Variants in NUFIP1 observed in about 807,000 individuals in gnomAD.
NUFIP1 encodes the protein nuclear FMR1 interacting protein 1, also known as FMR1-interacting protein NUFIP1.
In NUFIP1, 38 loss-of-function variants were observed where a neutral mutation model predicts 56.2. The ratio of observed to expected loss-of-function variants is 0.68; its 90% CI spans 0.52 to 0.89. NUFIP1 has a LOEUF of 0.89. Ranked by LOEUF, NUFIP1 falls within the 40% of genes least tolerant of loss-of-function variation. The probability of loss-of-function intolerance (pLI) is 0.00; values close to 1 mark genes in which losing one functional copy is unlikely to be tolerated. For synonymous variants in NUFIP1, 215 were observed against 212.4 expected (o/e 1.01, Z -0.10); for missense variants, 567 against 605.8 (o/e 0.94, Z 0.67).
Position 44,979,223 on chromosome 13 carries a change from T to C in NUFIP1, c.701A>G (p.Glu234Gly). Residue 234 changes from glutamate to glycine, a missense_variant, in exon 5 of 10, where the codon GAG (glutamate) becomes GGG (glycine). Physicochemically the swap from Glu to Gly is moderately conservative, Grantham distance 98. Coordinates refer to ENST00000379161, the MANE Select transcript of NUFIP1 (RefSeq NM_012345.3). Reference sequence around the variant, plus strand: ...TTCTTCCCTCCACCGTGCAATTTCCTCTGGAGTGTCTAACTTGATCTTCTT... The same window carrying C: ...TTCTTCCCTCCACCGTGCAATTTCCCCTGGAGTGTCTAACTTGATCTTCTT... ...GMKKIKLDTP[E>G]EIARWREERR... 6.2e-7 allele frequency: 1 copy of C among 1,613,662 alleles called. No individual in the cohort carries two copies. The highest frequency in any genetic ancestry group is 1.7e-4 in the Middle Eastern group (1 of 6,058).
chr13:44,967,117 A>G (rs899482999), intron 5 of NUFIP1, among the ~76,000 whole-genome samples: 1 of 152,124 alleles, frequency 6.6e-6, no homozygotes, highest in African/African-American at 2.4e-5. Context: ...GGTGGAATGG[A>G]AAGACTATAT....
chr13:44,944,945 T>C (rs1054333577), intron 8 of NUFIP1, among the ~76,000 whole-genome samples: 3 of 152,034 alleles, frequency 2.0e-5, no homozygotes, highest in African/African-American at 7.2e-5. Context: ...ATGCTTAAAT[T>C]AGAAATGAGA....
At chr13:44,962,215 T>A (rs912319521) in intron 6 of NUFIP1, among the ~76,000 whole-genome samples, 3 of 152,242 alleles carry the variant, frequency 2.0e-5, no homozygotes, top group African/African-American at 7.2e-5. Flanking sequence ...CAGTTTGGAT[T>A]ACTAAGAAGA....
rs572022361 is a variant in NUFIP1 at position 44,970,699 on chromosome 13, C to G, written c.735-4763G>C. On this transcript the variant is annotated intron_variant, in intron 5 of 9. Transcript: ENST00000379161. ...TTTGTTTGTTGTTTTTTTATTGAGA[C>G]AGTCTCACTCTGTTGCCCAGGCTGG... 4.6e-5 allele frequency among the ~76,000 whole-genome samples: 7 copies of G among 152,182 alleles called. No homozygotes were observed. The East Asian group carries it at 1.3e-3, about 29-fold the overall frequency.
chr13:44,952,603 G>C (rs538012028), intron 7 of NUFIP1, among the ~76,000 whole-genome samples: 1 of 152,130 alleles, frequency 6.6e-6, no homozygotes, highest in East Asian at 1.9e-4. Context: ...AACAATTTTG[G>C]ATTTATACAA....
At chr13:44,950,415 G>A (rs1871049853) in intron 7 of NUFIP1, among the ~76,000 whole-genome samples, 1 of 152,060 alleles carries the variant, frequency 6.6e-6, no homozygotes, top group African/African-American at 2.4e-5. Context: ...GCATAATCTC[G>A]GCTCACCACA....
In NUFIP1 at chr13:44,982,154, A is replaced by C. The variant is rs1872216677; in HGVS notation, c.413T>G (p.Val138Gly). ...PRHQKSFNPA[V>G]KNSYYPRKYD... ...CTTTCGTGGATAATAAGAATTTTTA[A>C]CTAAAAAAAAAAAGATCCATAAATG... Residue 138 changes from valine (V) to glycine (G), a missense_variant and splice_region_variant, in exon 2 of 10, where the codon GTT becomes GGT. Val to Gly is a moderately radical substitution (Grantham distance 109). Coordinates refer to ENST00000379161, the MANE Select transcript of NUFIP1 (RefSeq NM_012345.3). The C allele has an allele frequency of 7.0e-7, 1 of 1,429,026 alleles. No individual in the cohort carries two copies. The highest frequency in any genetic ancestry group is 1.5e-5 in the African/African-American group (1 of 68,916). The allele number at this position is 1,429,026 out of a possible 1,614,324, so 88.5% of individuals were successfully genotyped here.
At chr13:44,955,596 C>T (rs911741741) in intron 7 of NUFIP1, among the ~76,000 whole-genome samples, 2 of 152,200 alleles carry the variant, frequency 1.3e-5, no homozygotes, top group African/African-American at 4.8e-5. Context: ...GTCTTGTTAT[C>T]ACAGTGCTGG....
intron 8 of NUFIP1, among the ~76,000 whole-genome samples, chr13:44,947,170 C>T (rs371864541): frequency 4.6e-5 from 7 of 150,722 alleles, no homozygotes; most frequent in African/African-American, 1.7e-4. Context: ...TTGGCTTCTT[C>T]GGACTTTTAA....
chr13:44,943,263 C>A (rs1382060304), intron 9 of NUFIP1, among the ~76,000 whole-genome samples, 179 bp downstream of exon 9: 4 of 152,098 alleles, frequency 2.6e-5, no homozygotes, highest in Non-Finnish European at 5.9e-5. Flanking sequence ...TCCACATTCA[C>A]TGAATATACC....
chr13:44,980,281 TCCTTTTAAA>T (rs904521642), intron 3 of NUFIP1, among the ~76,000 whole-genome samples: 1 of 152,244 alleles, frequency 6.6e-6, no homozygotes, highest in Non-Finnish European at 1.5e-5. Context: ...ACCAAAGGCT[TCCTTTTAAA>T]CCTTTTAAAC....
At chr13:44,966,087 A>G (rs536049443) in intron 5 of NUFIP1, 151 bp from the exon 6 acceptor site, 3 of 441,090 alleles carry the variant, frequency 6.8e-6, no homozygotes, top group African/African-American at 6.1e-5. Context: ...TTAAGAGGGA[A>G]AAAAGTACTT....
rs1017432782 is a variant in NUFIP1 at position 44,940,123 on chromosome 13, ATTAG to A, written c.*1079_*1082del. On this transcript the variant is annotated 3_prime_UTR_variant, in exon 10 of 10. Coordinates refer to ENST00000379161, the MANE Select transcript of NUFIP1 (RefSeq NM_012345.3). ...CACTCAACAGTGTTACATGAATTGA[ATTAG>A]TTAATGTATAAGGCAGATAATTTCC... The A allele has an allele frequency of 6.6e-6, 1 of 152,254 alleles. No homozygotes were observed. Among genetic ancestry groups the A allele is most frequent in the Non-Finnish European group, 1.5e-5 (1 of 68,056 alleles). 9.4% of individuals were successfully genotyped at this position (152,254 alleles called of 1,614,324 possible).
intron 5 of NUFIP1, among the ~76,000 whole-genome samples, chr13:44,968,599 A>C (rs1871697382): frequency 6.6e-6 from 1 of 152,222 alleles, no homozygotes; most frequent in Admixed American, 6.5e-5. Flanking sequence ...AATATGCAGA[A>C]GTAGAAATGA....
chr13:44,961,762 G>C (rs1475751045), intron 6 of NUFIP1, among the ~76,000 whole-genome samples: 1 of 152,142 alleles, frequency 6.6e-6, no homozygotes, highest in Non-Finnish European at 1.5e-5. Flanking sequence ...CACTTTCTTT[G>C]AGCTCCCATT....
chr13:44,968,740 A>T (rs777911812), intron 5 of NUFIP1, among the ~76,000 whole-genome samples: 34 of 152,142 alleles, frequency 2.2e-4, no homozygotes, highest in Non-Finnish European at 4.6e-4. Flanking sequence ...AGTATTGCAG[A>T]CTCTTACCAT....
At chr13:44,978,601 G>T (rs1872070698) in intron 5 of NUFIP1, among the ~76,000 whole-genome samples, 1 of 152,122 alleles carries the variant, frequency 6.6e-6, no homozygotes. Context: ...CAGGTTACAT[G>T]GTGATGCTCA....
chr13:44,967,392 C>T (rs533324347), intron 5 of NUFIP1, among the ~76,000 whole-genome samples: 1 of 151,980 alleles, frequency 6.6e-6, no homozygotes, highest in Non-Finnish European at 1.5e-5. Context: ...CCTGTAATCC[C>T]AGCTACTCAG....
chr13:44,954,032 A>T (rs1871154406), intron 7 of NUFIP1, among the ~76,000 whole-genome samples: 1 of 146,710 alleles, frequency 6.8e-6, no homozygotes, highest in African/African-American at 2.4e-5. Context: ...AGAAAGAAAG[A>T]AAAGTCCCTG....
Sources: allele counts gnomAD v4.1 joint callset (sites outside exome capture counted in the v4.1 genomes callset), GRCh38; gene constraint gnomAD v4.1.1; transcripts MANE v1.5; gene names NCBI Gene and HGNC (gene_info 2026-07-23, HGNC 2026-07-21).